The following TRDN variants were observed in gnomAD, a reference collection of about 807,000 sequenced individuals.
TRDN encodes triadin in skeletal muscle.
In TRDN, 161 loss-of-function variants were observed where a neutral mutation model predicts 149.7. The observed-to-expected ratio is 1.08, with a 90% CI of 0.95 to 1.23. The LOEUF is 1.23. Ranked by LOEUF, TRDN falls within the 50% of genes most tolerant of loss-of-function variation. The pLI, the probability that TRDN is intolerant of heterozygous loss-of-function variation, is 0.00. For synonymous variants in TRDN, 294 were observed against 250.5 expected (o/e 1.17, Z -1.64); for missense variants, 896 against 823.5 (o/e 1.09, Z -1.08).
chr6:123,233,963 C>T (rs1174712291), intron 38 of TRDN, among the ~76,000 whole-genome samples: 1 of 151,870 alleles, frequency 6.6e-6, no homozygotes, highest in East Asian at 1.9e-4. Context: ...TATACCAATC[C>T]CTATTCATGC....
intron 12 of TRDN, among the ~76,000 whole-genome samples, 173 bp from the exon 13 acceptor site, chr6:123,393,850 C>T (rs1211907302): frequency 6.6e-6 from 1 of 152,068 alleles, no homozygotes; most frequent in Non-Finnish European, 1.5e-5. Context: ...ATGGAGCTTA[C>T]TGAAAGAAAA....
chr6:123,311,975 A>T (rs1311607169), intron 24 of TRDN, among the ~76,000 whole-genome samples: 1 of 151,980 alleles, frequency 6.6e-6, no homozygotes, highest in Non-Finnish European at 1.5e-5. Flanking sequence ...ATGCCAGAGG[A>T]ATTAATAGAA....
chr6:123,241,229 GT>G (rs1370661959), intron 38 of TRDN, among the ~76,000 whole-genome samples: 1 of 150,854 alleles, frequency 6.6e-6, no homozygotes, highest in East Asian at 2.0e-4. Context: ...ATAAAAATAG[GT>G]TATACTTTTA....
intron 24 of TRDN, among the ~76,000 whole-genome samples, chr6:123,301,611 G>C (rs946267981): frequency 6.6e-6 from 1 of 150,924 alleles, no homozygotes; most frequent in Non-Finnish European, 1.5e-5. Context: ...AAATTTTCCA[G>C]GATCTGGCTT....
At chr6:123,279,313 C>T (rs1229538664) in intron 24 of TRDN, among the ~76,000 whole-genome samples, 1 of 151,954 alleles carries the variant, frequency 6.6e-6, no homozygotes, top group Non-Finnish European at 1.5e-5. Flanking sequence ...AGGTTTTAGG[C>T]CATATAGTCT....
In TRDN at chr6:123,551,203, GAT is replaced by G. The variant is rs10547981; in HGVS notation, c.233-2593_233-2592del. Among the ~76,000 whole-genome samples, 21 of 118,026 alleles carry G rather than the reference GAT, an allele frequency of 1.8e-4. 3 individuals are homozygous for G. Among genetic ancestry groups the G allele is most frequent in the South Asian group, 2.4e-4 (1 of 4,214 alleles). 77.4% of individuals were successfully genotyped at this position (118,026 alleles called of 152,430 possible). A position where few individuals can be genotyped will look rare whatever the true frequency, so the allele number is the denominator to read the frequency against. ...TTAAATGCACTGTATGTATTTTGCA[GAT>G]ATATATATATATATATATTGCCTGG... On this transcript the variant is annotated intron_variant, in intron 2 of 40. Transcript: ENST00000334268.
At chr6:123,516,831 C>T (rs376571994) in intron 5 of TRDN, among the ~76,000 whole-genome samples, 1 of 151,972 alleles carries the variant, frequency 6.6e-6, no homozygotes, top group African/African-American at 2.4e-5. Flanking sequence ...ATTCATTATC[C>T]ATGCTAGAAA....
At chr6:123,514,284 G>A (rs1022609942) in intron 6 of TRDN, among the ~76,000 whole-genome samples, 2 of 152,066 alleles carry the variant, frequency 1.3e-5, no homozygotes, top group African/African-American at 2.4e-5. Flanking sequence ...GAACCCCAGA[G>A]GCAGAGGTTG....
At chr6:123,528,152 C>T (rs937067294) in intron 5 of TRDN, among the ~76,000 whole-genome samples, 2 of 151,740 alleles carry the variant, frequency 1.3e-5, no homozygotes, top group African/African-American at 4.8e-5. Flanking sequence ...TATCTAATTT[C>T]TTAAGAAAAA....
chr6:123,232,905 T>C (rs922694159), intron 38 of TRDN, among the ~76,000 whole-genome samples: 1 of 152,102 alleles, frequency 6.6e-6, no homozygotes, highest in Non-Finnish European at 1.5e-5. Flanking sequence ...AATGCACGTA[T>C]ATGTACCAGC....
chr6:123,608,490 G>C (rs1784626197), intron 1 of TRDN, among the ~76,000 whole-genome samples: 1 of 151,890 alleles, frequency 6.6e-6, no homozygotes, highest in Non-Finnish European at 1.5e-5. Context: ...CTTAGTAAAG[G>C]GCTATATATT....
chr6:123,458,313 T>C (rs920687470), intron 10 of TRDN, among the ~76,000 whole-genome samples: 4 of 152,214 alleles, frequency 2.6e-5, no homozygotes, highest in Non-Finnish European at 5.9e-5. Context: ...TGATCAAAGA[T>C]AAGTCTAGAT....
chr6:123,430,330 C>G (rs1774282707), intron 12 of TRDN, among the ~76,000 whole-genome samples: 1 of 151,970 alleles, frequency 6.6e-6, no homozygotes. Flanking sequence ...TACGTGTAAT[C>G]CCAGCACTTT....
In TRDN at chr6:123,246,790, G is replaced by GA. The variant is rs139540215; in HGVS notation, c.1975+5621dup. 1.3e-3 allele frequency among the ~76,000 whole-genome samples: 183 copies of GA among 137,780 alleles called. No homozygotes were observed. In the East Asian group the frequency reaches 0.017, roughly 13 times the overall value. 90.4% of individuals were successfully genotyped at this position (137,780 alleles called of 152,430 possible). On this transcript the variant is annotated intron_variant, in intron 38 of 40. Transcript: ENST00000334268. Reference sequence around the variant, plus strand: ...ACCAAAATCTGGCAGAGACATAACAGAAAAAAAAAAAAAGAAAATTTCAGG... The same window carrying GA: ...ACCAAAATCTGGCAGAGACATAACAGAAAAAAAAAAAAAAGAAAATTTCAGG...
chr6:123,407,194 A>C (rs913017121), intron 12 of TRDN, among the ~76,000 whole-genome samples: 3 of 152,176 alleles, frequency 2.0e-5, no homozygotes, highest in Non-Finnish European at 4.4e-5. Context: ...GGGTGAAGAG[A>C]AGCAAGTCTA....
chr6:123,291,718 TA>T (rs1244784019), intron 24 of TRDN, among the ~76,000 whole-genome samples: 2 of 152,182 alleles, frequency 1.3e-5, no homozygotes, highest in Non-Finnish European at 1.5e-5. Flanking sequence ...AAATTATTTG[TA>T]AAAAAACTTT....
At chr6:123,562,919 A>G (rs1006808230) in intron 2 of TRDN, among the ~76,000 whole-genome samples, 1 of 152,218 alleles carries the variant, frequency 6.6e-6, no homozygotes, top group Non-Finnish European at 1.5e-5. Flanking sequence ...GTCATATTGT[A>G]GCTCCAATCC....
intron 24 of TRDN, among the ~76,000 whole-genome samples, chr6:123,280,253 C>CA (rs370594144): frequency 3.7e-4 from 56 of 152,156 alleles, no homozygotes; most frequent in African/African-American, 1.3e-3. Context: ...ATTAAGTCAT[C>CA]AGAAGAGCAC....
At chr6:123,471,179 C>T (rs2114734078) in intron 9 of TRDN, 1 of 152,238 alleles carries the variant, frequency 6.6e-6, no homozygotes, top group South Asian at 2.1e-4. Context: ...CCTAATAAGA[C>T]TTAATGAATT....
Sources: gnomAD v4.1 joint callset for allele counts (sites outside exome capture counted in the v4.1 genomes callset) on GRCh38, gnomAD v4.1.1 for gene constraint, MANE v1.5 for transcripts, NCBI Gene and HGNC (gene_info 2026-07-23, HGNC 2026-07-21) for gene names.